MAF: variants seen among roughly 807,000 people sequenced by gnomAD.
The protein encoded by MAF is MAF bZIP transcription factor.
A neutral mutation model predicts 22.0 loss-of-function variants in MAF; 10 were observed. That is an observed-to-expected ratio of 0.45 (90% CI 0.28 to 0.77). The LOEUF is 0.77. Among genes scored for constraint, MAF ranks in the 30% least tolerant of loss-of-function variants. MAF has a pLI of 0.12. For synonymous variants in MAF, 337 were observed against 255.8 expected (o/e 1.32, Z -3.03); for missense variants, 544 against 548.4 (o/e 0.99, Z 0.08).
the MAF span, among the ~76,000 whole-genome samples, chr16:79,420,468 T>G: frequency 9.9e-5 from 15 of 152,246 alleles, no homozygotes; most frequent in Non-Finnish European, 1.8e-4. Flanking sequence ...AGAGTATTTT[T>G]ATTTTAGAGA....
the MAF span, among the ~76,000 whole-genome samples, chr16:79,484,893 G>A: frequency 6.6e-6 from 1 of 152,230 alleles, no homozygotes; most frequent in Non-Finnish European, 1.5e-5. Flanking sequence ...GCAGCATCAA[G>A]CATGGTACAG....
At chr16:79,301,775 C>T in the MAF span, among the ~76,000 whole-genome samples, 1 of 152,180 alleles carries the variant, frequency 6.6e-6, no homozygotes, top group African/African-American at 2.4e-5. Context: ...TGAGCACTTA[C>T]TGTGCTCTGG....
chr16:79,222,639 G>C, the MAF span, among the ~76,000 whole-genome samples: 1 of 152,016 alleles, frequency 6.6e-6, no homozygotes, highest in African/African-American at 2.4e-5. Context: ...CCCATCTCAC[G>C]TGCAGAGACA....
At chr16:79,529,121 C>A in the MAF span, among the ~76,000 whole-genome samples, 1 of 152,178 alleles carries the variant, frequency 6.6e-6, no homozygotes, top group Non-Finnish European at 1.5e-5. Context: ...TTGCTAGCTA[C>A]ATCAGTGGCC....
chr16:79,252,922 G>C, the MAF span, among the ~76,000 whole-genome samples: 1 of 152,158 alleles, frequency 6.6e-6, no homozygotes, highest in Non-Finnish European at 1.5e-5. Context: ...GGATAGATGG[G>C]AACTCCGTAC....
chr16:79,324,111 T>C, the MAF span, among the ~76,000 whole-genome samples: 1 of 152,202 alleles, frequency 6.6e-6, no homozygotes, highest in Non-Finnish European at 1.5e-5. Context: ...TGAATTTTGC[T>C]TTTACATGAC....
At chr16:79,320,837 A>T in the MAF span, among the ~76,000 whole-genome samples, 9 of 152,178 alleles carry the variant, frequency 5.9e-5, no homozygotes. Context: ...TTATATATTG[A>T]TTATCTCATT....
the MAF span, among the ~76,000 whole-genome samples, chr16:79,225,621 T>C: frequency 6.6e-6 from 1 of 152,162 alleles, no homozygotes; most frequent in Non-Finnish European, 1.5e-5. Context: ...TTTTGCAATC[T>C]ATCCATCTGA....
the MAF span, among the ~76,000 whole-genome samples, chr16:79,384,863 G>A: frequency 6.6e-6 from 1 of 152,232 alleles, no homozygotes; most frequent in Non-Finnish European, 1.5e-5. Flanking sequence ...TTGACCAGTT[G>A]TTCGTCAATG....
the MAF span, among the ~76,000 whole-genome samples, chr16:79,555,755 C>G: frequency 6.6e-6 from 1 of 152,110 alleles, no homozygotes; most frequent in Non-Finnish European, 1.5e-5. Flanking sequence ...AACTCTAAAT[C>G]CAAGACACTT....
the MAF span, among the ~76,000 whole-genome samples, chr16:79,346,066 T>C: frequency 6.6e-6 from 1 of 152,150 alleles, no homozygotes; most frequent in Admixed American, 6.5e-5. Context: ...CTAGGGTACA[T>C]GTGTACAATG....
the MAF span, among the ~76,000 whole-genome samples, chr16:79,383,637 G>C: frequency 6.6e-6 from 1 of 152,150 alleles, no homozygotes; most frequent in East Asian, 1.9e-4. Context: ...TATTCAAGGA[G>C]GTTTTGTGAA....
chr16:79,398,850 C>G, the MAF span, among the ~76,000 whole-genome samples: 2 of 152,194 alleles, frequency 1.3e-5, no homozygotes, highest in African/African-American at 4.8e-5. Context: ...TTGAGCTAGG[C>G]CAGGCATTCT....
At chr16:79,280,507 G>A in the MAF span, among the ~76,000 whole-genome samples, 4 of 152,206 alleles carry the variant, frequency 2.6e-5, no homozygotes, top group Non-Finnish European at 4.4e-5. Context: ...AGGCCAGCTT[G>A]GGGGGCCACC....
the MAF span, among the ~76,000 whole-genome samples, chr16:79,474,404 G>C: frequency 3.3e-5 from 5 of 152,162 alleles, no homozygotes; most frequent in Non-Finnish European, 4.4e-5. Flanking sequence ...AATGGTGAGA[G>C]ATGGCTGAGC....
the MAF span, among the ~76,000 whole-genome samples, chr16:79,549,932 G>A: frequency 1.3e-5 from 2 of 152,078 alleles, no homozygotes; most frequent in African/African-American, 4.8e-5. Flanking sequence ...TCCATTTCAG[G>A]AGTTTAAGCA....
At chr16:79,433,267 T>TAAAAA in the MAF span, among the ~76,000 whole-genome samples, 2 of 139,346 alleles carry the variant, frequency 1.4e-5, no homozygotes, top group Non-Finnish European at 3.1e-5. Flanking sequence ...ATAAGACAAG[T>TAAAAA]AAAAAAAAAA....
At chr16:79,418,293 C>A in the MAF span, among the ~76,000 whole-genome samples, 1 of 152,010 alleles carries the variant, frequency 6.6e-6, no homozygotes, top group Non-Finnish European at 1.5e-5. Flanking sequence ...TATCTGGGGA[C>A]AGTTTTCGGG....
chr16:79,314,587 G>A, the MAF span, among the ~76,000 whole-genome samples: 1 of 152,198 alleles, frequency 6.6e-6, no homozygotes, highest in East Asian at 1.9e-4. Context: ...CATTTTCCCA[G>A]TCAAGTGAGC....
Sources: gnomAD v4.1 joint callset for allele counts (sites outside exome capture counted in the v4.1 genomes callset) on GRCh38, gnomAD v4.1.1 for gene constraint, MANE v1.5 for transcripts, NCBI Gene and HGNC (gene_info 2026-07-23, HGNC 2026-07-21) for gene names.